PPP2R2C: variants seen among roughly 807,000 people sequenced by gnomAD.
PPP2R2C encodes protein phosphatase 2, regulatory subunit B, gamma.
PPP2R2C carries 10 observed loss-of-function variants against 45.3 expected under a neutral mutation model. The observed-to-expected ratio is 0.22, with a 90% CI of 0.14 to 0.37. The LOEUF is 0.37. PPP2R2C is among the 10% of genes least tolerant of loss of function. The probability of loss-of-function intolerance (pLI) is 1.00; values close to 1 mark genes in which losing one functional copy is unlikely to be tolerated. For synonymous variants in PPP2R2C, 257 were observed against 245.4 expected (o/e 1.05, Z -0.44); for missense variants, 308 against 619.7 (o/e 0.50, Z 5.34).
At chr4:6,434,573 G>T (rs1719803714) in intron 1 of PPP2R2C, among the ~76,000 whole-genome samples, 2 of 151,986 alleles carry the variant, frequency 1.3e-5, no homozygotes, top group South Asian at 4.2e-4. Flanking sequence ...TGGCCAGTCT[G>T]GTGTCAAACT....
At position 6,331,981 on chromosome 4, in the gene PPP2R2C, T is replaced by C. The variant is rs553154270; in HGVS notation, c.960+1581A>G. 6.6e-6 allele frequency among the ~76,000 whole-genome samples: 1 copy of C among 152,320 alleles called. No homozygotes were observed. The highest frequency in any genetic ancestry group is 1.5e-5 in the Non-Finnish European group (1 of 68,026). On this transcript the variant is annotated intron_variant, in intron 7 of 8. Transcript: ENST00000382599. This position sits in a 1 kb window ranked among gnomAD's most constrained non-coding sequence, Gnocchi z 5.9. The stretch of plus-strand genomic sequence containing the variant: ...GTTATTGCTATTATTTTAGCATCAA[T>C]AGGTCAGCTGGGCCAGATGCCAAGT...
intron 1 of PPP2R2C, chr4:6,535,462 A>G (rs1168663986): frequency 1.1e-6 from 1 of 944,148 alleles, no homozygotes; most frequent in Non-Finnish European, 1.5e-6. Flanking sequence ...CAACGCGAGC[A>G]CCGCCACCCA....
intron 1 of PPP2R2C, among the ~76,000 whole-genome samples, chr4:6,455,835 C>T (rs1466887442): frequency 1.3e-5 from 2 of 152,214 alleles, no homozygotes; most frequent in Admixed American, 1.3e-4. Flanking sequence ...TCGCCCCCTC[C>T]CCCTGCTGCC....
intron 1 of PPP2R2C, chr4:6,381,462 C>T: frequency 7.3e-7 from 1 of 1,368,110 alleles, no homozygotes. Flanking sequence ...CCTACCCCTG[C>T]CACCCAGGCC....
intron 1 of PPP2R2C, among the ~76,000 whole-genome samples, chr4:6,424,149 C>T (rs1719144438): frequency 6.6e-6 from 1 of 152,194 alleles, no homozygotes; most frequent in African/African-American, 2.4e-5. Flanking sequence ...GGAAGGGGAA[C>T]CTCAGCCCCT....
Position 6,372,611 on chromosome 4 carries a change from G to A in PPP2R2C, c.537C>T (p.Ile179=). ...AGGTCTCGCAGTCACTGTTGACGGA[G>A]ATGGAGTTGATGTGGTAGGTGTGGC... ...ANGHTYHINS[I]SVNSDCETYM... The change falls in exon 5 of 9, where the codon ATC becomes ATT. Residue 179 remains isoleucine, a synonymous_variant. Transcript: ENST00000382599. 2 of 1,614,134 alleles carry A rather than the reference G, an allele frequency of 1.2e-6. No homozygotes were observed. The highest frequency in any genetic ancestry group is 8.5e-7 in the Non-Finnish European group (1 of 1,180,016).
At chr4:6,346,826 C>A (rs776208096) in intron 6 of PPP2R2C, among the ~76,000 whole-genome samples, 2 of 152,188 alleles carry the variant, frequency 1.3e-5, no homozygotes. Context: ...AGCCCTCTGC[C>A]GCCGGCACCC....
chr4:6,522,967 G>A (rs779404847), intron 2 of PPP2R2C, among the ~76,000 whole-genome samples: 8 of 152,222 alleles, frequency 5.3e-5, no homozygotes, highest in Non-Finnish European at 7.3e-5. Context: ...GGGGCAGGCC[G>A]CAGATGCACA....
chr4:6,351,751 C>T (rs1046246487), intron 5 of PPP2R2C, among the ~76,000 whole-genome samples: 3 of 152,122 alleles, frequency 2.0e-5, no homozygotes, highest in Non-Finnish European at 4.4e-5. Context: ...CAAGCAGTCC[C>T]GAGCCTCTGA....
intron 1 of PPP2R2C, among the ~76,000 whole-genome samples, chr4:6,453,051 G>A (rs183652236): frequency 2.0e-5 from 3 of 152,338 alleles, no homozygotes; most frequent in Admixed American, 6.5e-5. Flanking sequence ...GGATGGATGC[G>A]TGTGGCTCCC....
intron 1 of PPP2R2C, among the ~76,000 whole-genome samples, chr4:6,547,569 C>T (rs1489578464): frequency 6.6e-6 from 1 of 152,076 alleles, no homozygotes; most frequent in African/African-American, 2.4e-5. Flanking sequence ...CTAATAAACG[C>T]TCTGCGGATT....
rs188883451 is a variant in PPP2R2C at position 6,430,784 on chromosome 4, T to G, written c.70+41376A>C. Among the ~76,000 whole-genome samples the G allele has an allele frequency of 1.4e-3, 216 of 152,050 alleles. 2 individuals carry two copies. Among genetic ancestry groups the G allele is most frequent in the African/African-American group, 5.0e-3 (206 of 41,492 alleles). Reference sequence around the variant, plus strand: ...CACTAAAAACACAAAAATTAGCCAGTTGTGGTGGTAGGCACCTGTAATCCC... The same window carrying G: ...CACTAAAAACACAAAAATTAGCCAGGTGTGGTGGTAGGCACCTGTAATCCC... On this transcript the variant is annotated intron_variant, in intron 1 of 8. Transcript: ENST00000382599.
chr4:6,508,792 C>T (rs1723327021), intron 2 of PPP2R2C, among the ~76,000 whole-genome samples: 2 of 152,240 alleles, frequency 1.3e-5, no homozygotes, highest in South Asian at 2.1e-4. Flanking sequence ...CTTCAGTAAA[C>T]ACATTAAGAC....
At chr4:6,407,968 T>G (rs1356269326) in intron 1 of PPP2R2C, among the ~76,000 whole-genome samples, 2 of 152,210 alleles carry the variant, frequency 1.3e-5, no homozygotes, top group Admixed American at 1.3e-4. Flanking sequence ...AAAAACAGAA[T>G]GTAAAATGTC....
chr4:6,502,753 A>G (rs1055627960), intron 2 of PPP2R2C, among the ~76,000 whole-genome samples: 7 of 152,036 alleles, frequency 4.6e-5, no homozygotes, highest in Non-Finnish European at 1.0e-4. Context: ...CCTTCCAATG[A>G]GGGTCTATTT....
intron 1 of PPP2R2C, chr4:6,383,753 T>C (rs1716027758): frequency 1.1e-6 from 1 of 928,742 alleles, no homozygotes; most frequent in Non-Finnish European, 1.3e-6. Flanking sequence ...GAACGTAAAC[T>C]TCATGAGGGC....
rs1452680132 is a variant in PPP2R2C at position 6,378,077 on chromosome 4, C to A, written c.334+330G>T. ...ACACTCCCTCACCCCAAAGCAAAGG[C>A]CTACAAAGATGGCTCGGATGGCTCT... On this transcript the variant is annotated intron_variant, in intron 3 of 8. Coordinates refer to ENST00000382599, the MANE Select transcript of PPP2R2C (RefSeq NM_020416.4). The surrounding 1 kb of genome is among the most constrained non-coding windows in gnomAD (Gnocchi z 5.2). 6.6e-6 allele frequency among the ~76,000 whole-genome samples: 1 copy of A among 152,118 alleles called. No homozygotes were observed. The highest frequency in any genetic ancestry group is 2.4e-5 in the African/African-American group (1 of 41,410).
chr4:6,382,794 T>C, intron 1 of PPP2R2C: 1 of 910,954 alleles, frequency 1.1e-6, no homozygotes. Context: ...ACTGGATGAC[T>C]GCCACAGCTC....
chr4:6,354,968 T>C (rs1273469555), intron 5 of PPP2R2C, among the ~76,000 whole-genome samples: 1 of 152,150 alleles, frequency 6.6e-6, no homozygotes, highest in African/African-American at 2.4e-5. Flanking sequence ...GCCTCAATGC[T>C]CCTTAACAAA....
Sources: gnomAD v4.1 joint callset for allele counts (sites outside exome capture counted in the v4.1 genomes callset) on GRCh38, gnomAD v4.1.1 for gene constraint, Gnocchi (gnomAD v3.1) non-coding constraint, MANE v1.5 for transcripts, NCBI Gene and HGNC (gene_info 2026-07-23, HGNC 2026-07-21) for gene names.